The following ARPC1A variants were observed in gnomAD, a reference collection of about 807,000 sequenced individuals.
ARPC1A encodes actin related protein 2/3 complex subunit 1A.
Under a neutral mutation model 46.9 loss-of-function variants are expected in ARPC1A, and 8 were observed. The observed-to-expected ratio is 0.17, with a 90% CI of 0.10 to 0.31. The LOEUF is 0.31. ARPC1A is among the 10% of genes least tolerant of loss of function. ARPC1A has a pLI of 1.00. For synonymous variants in ARPC1A, 152 were observed against 169.0 expected (o/e 0.90, Z 0.78); for missense variants, 286 against 483.6 (o/e 0.59, Z 3.83).
intron 5 of ARPC1A, 136 bp downstream of exon 5, chr7:99,349,095 GGCTGGAGT>G: frequency 1.2e-6 from 1 of 847,854 alleles, no homozygotes; most frequent in Non-Finnish European, 1.8e-6. Context: ...CTCTCACCCA[GGCTGGAGT>G]GCAGTGGCAC....
chr7:99,333,398 C>G lies in ARPC1A; in HGVS notation c.45C>G (p.Ala15=), dbSNP rs1793181346. Residue 15 remains alanine, a synonymous_variant, in exon 2 of 10, where the codon GCC becomes GCG. Transcript: ENST00000262942. ...QFLLEPITCH[A]WNRDRTQIAL... ...TACTAGAGCCAATCACCTGTCATGC[C>G]TGGAACAGGGATCGTACTCGTAAGT... The G allele has an allele frequency of 6.2e-7, 1 of 1,613,614 alleles. No individual in the cohort carries two copies. The highest frequency in any genetic ancestry group is 1.7e-5 in the Admixed American group (1 of 59,930).
chr7:99,347,566 G>A (rs906714480), intron 4 of ARPC1A, among the ~76,000 whole-genome samples: 1 of 152,044 alleles, frequency 6.6e-6, no homozygotes, highest in Non-Finnish European at 1.5e-5. Context: ...TTAGCCGGGC[G>A]TGGTGGCGTG....
At chr7:99,332,221 G>C (rs1192305888) in intron 1 of ARPC1A, among the ~76,000 whole-genome samples, 1 of 152,180 alleles carries the variant, frequency 6.6e-6, no homozygotes, top group African/African-American at 2.4e-5. Flanking sequence ...GGTTTCTCCA[G>C]GATAGCCCTG....
At chr7:99,328,256 C>A (rs1793083357) in intron 1 of ARPC1A, among the ~76,000 whole-genome samples, 1 of 152,182 alleles carries the variant, frequency 6.6e-6, no homozygotes, top group Admixed American at 6.5e-5. Flanking sequence ...GTAATCCCAG[C>A]TACTCAGGAG....
intron 9 of ARPC1A, among the ~76,000 whole-genome samples, chr7:99,365,151 G>GA (rs1177286853): frequency 6.6e-6 from 1 of 152,138 alleles, no homozygotes; most frequent in Non-Finnish European, 1.5e-5. Flanking sequence ...GATGGAGCTA[G>GA]AAAAAAGAGC....
At chr7:99,359,918 A>G in intron 8 of ARPC1A, 180 bp downstream of exon 8, 7 of 730,214 alleles carry the variant, frequency 9.6e-6, no homozygotes, top group Non-Finnish European at 1.6e-5. Flanking sequence ...AGCTCGTGGT[A>G]GGGAGGGAGT....
intron 5 of ARPC1A, among the ~76,000 whole-genome samples, chr7:99,350,554 C>G (rs1793529004): frequency 6.6e-6 from 1 of 150,994 alleles, no homozygotes; most frequent in South Asian, 2.1e-4. Context: ...TGCTTTTTTC[C>G]CTTTAGCTGA....
At chr7:99,327,879 T>A (rs1322608854) in intron 1 of ARPC1A, among the ~76,000 whole-genome samples, 2 of 152,140 alleles carry the variant, frequency 1.3e-5, no homozygotes, top group African/African-American at 4.8e-5. Flanking sequence ...GAGTACTTGA[T>A]GTTGCTAGAT....
intron 4 of ARPC1A, 67 bp from the exon 5 acceptor site, chr7:99,348,785 T>G: frequency 7.8e-7 from 1 of 1,276,574 alleles, no homozygotes. Flanking sequence ...TCACCTGACA[T>G]ACATTTGTAG....
intron 9 of ARPC1A, among the ~76,000 whole-genome samples, chr7:99,365,110 G>A (rs1477896399): frequency 2.0e-5 from 3 of 152,136 alleles, no homozygotes; most frequent in Admixed American, 6.5e-5. Flanking sequence ...CCTCTGAGGC[G>A]CTGCCCGTGC....
chr7:99,359,402 C>T (rs1793698103), intron 7 of ARPC1A, 143 bp from the exon 8 acceptor site: 1 of 831,864 alleles, frequency 1.2e-6, no homozygotes, highest in Non-Finnish European at 1.9e-6. Context: ...TGCCACTGCA[C>T]TCTAGCCAGG....
intron 8 of ARPC1A, among the ~76,000 whole-genome samples, chr7:99,363,167 C>G (rs1166962998): frequency 6.6e-6 from 1 of 152,190 alleles, no homozygotes; most frequent in Non-Finnish European, 1.5e-5. Context: ...CTTAACTTCT[C>G]CCCTTGCCAG....
At chr7:99,358,773 C>G (rs570097094) in intron 7 of ARPC1A, 3 of 194,652 alleles carry the variant, frequency 1.5e-5, no homozygotes, top group South Asian at 1.6e-4. Flanking sequence ...CTCCCATCCT[C>G]AGGTGATCCA....
chr7:99,358,442 G>T, intron 7 of ARPC1A, 27 bp downstream of exon 7: 1 of 1,597,440 alleles, frequency 6.3e-7, no homozygotes. Context: ...ATTCTCCCTC[G>T]GGGTGCACTG....
intron 5 of ARPC1A, among the ~76,000 whole-genome samples, chr7:99,351,655 C>T (rs1417569071): frequency 6.6e-6 from 1 of 152,142 alleles, no homozygotes; most frequent in African/African-American, 2.4e-5. Context: ...TCTACTGTCT[C>T]GTCATATAAC....
intron 4 of ARPC1A, 143 bp from the exon 5 acceptor site, chr7:99,348,709 T>C: frequency 2.0e-6 from 1 of 499,698 alleles, no homozygotes; most frequent in South Asian, 4.9e-5. Flanking sequence ...CTGAAAAAAA[T>C]AATATTCTGA....
chr7:99,363,930 A>T (rs1418570538), intron 9 of ARPC1A, among the ~76,000 whole-genome samples: 1 of 152,120 alleles, frequency 6.6e-6, no homozygotes, highest in Non-Finnish European at 1.5e-5. Context: ...TCCTAATGTA[A>T]GACATTAAAC....
chr7:99,365,584 AGC>A (rs1793822720), intron 9 of ARPC1A, among the ~76,000 whole-genome samples: 1 of 151,748 alleles, frequency 6.6e-6, no homozygotes, highest in Non-Finnish European at 1.5e-5. Context: ...ACTGCACTCC[AGC>A]CTGGGGCAAC....
intron 6 of ARPC1A, among the ~76,000 whole-genome samples, chr7:99,357,868 C>T (rs564535568): frequency 7.6e-4 from 116 of 152,284 alleles, no homozygotes; most frequent in Middle Eastern, 6.8e-3. Context: ...AGTGCCTGGC[C>T]GTCAGCACAG....
Sources: gnomAD v4.1 joint callset for allele counts (sites outside exome capture counted in the v4.1 genomes callset) on GRCh38, gnomAD v4.1.1 for gene constraint, MANE v1.5 for transcripts, NCBI Gene and HGNC (gene_info 2026-07-23, HGNC 2026-07-21) for gene names.